The following SSBP2 variants were observed in gnomAD, a reference collection of about 807,000 sequenced individuals.
SSBP2 encodes single-stranded DNA-binding protein 2.
In SSBP2, 17 loss-of-function variants were observed where a neutral mutation model predicts 61.8. That is an observed-to-expected ratio of 0.28 (90% confidence interval 0.19 to 0.41). The LOEUF (loss-of-function observed/expected upper bound fraction) is 0.41, where lower values mean the gene tolerates loss of function less well. Ranked by LOEUF, SSBP2 falls within the 10% of genes least tolerant of loss-of-function variation. SSBP2 has a pLI of 1.00. For synonymous variants in SSBP2, 139 were observed against 141.3 expected (o/e 0.98, Z 0.12); for missense variants, 310 against 458.7 (o/e 0.68, Z 2.96).
At position 81,412,855 on chromosome 5, in the gene SSBP2, A is replaced by G. The variant is rs1004642513; in HGVS notation, c.*7649T>C. On this transcript the variant is annotated 3_prime_UTR_variant, in exon 17 of 17. Coordinates refer to ENST00000320672, the MANE Select transcript of SSBP2 (RefSeq NM_012446.5). ...TCATTAACATATCTATTTGCTAATA[A>G]CATTAGTTTTTTTTTGGCATTCCAT... 2.7e-5 allele frequency among the ~76,000 whole-genome samples: 4 copies of G among 148,952 alleles called. No homozygotes were observed. Among genetic ancestry groups the G allele is most frequent in the African/African-American group, 9.7e-5 (4 of 41,380 alleles).
rs547509999 is a variant in SSBP2 at position 81,646,933 on chromosome 5, C to G, written c.135+3334G>C. Among the ~76,000 whole-genome samples the G allele has an allele frequency of 3.8e-4, 57 of 151,874 alleles. No individual in the cohort carries two copies. The South Asian group carries it at 6.9e-3, about 18-fold the overall frequency. ...CTGAGTAAAGCCCAGATGACAGAAG[C>G]CCCATGGTATACAGGAAAACCCAAG... is the stretch of plus-strand genomic sequence containing the variant. On this transcript the variant is annotated intron_variant, in intron 2 of 16. Transcript: ENST00000320672.
intron 1 of SSBP2, among the ~76,000 whole-genome samples, chr5:81,731,153 C>A (rs1322091053): frequency 1.3e-5 from 2 of 152,236 alleles, no homozygotes; most frequent in Admixed American, 1.3e-4. Context: ...GCCTCAGATT[C>A]TTTGTCCACA....
At chr5:81,503,896 A>G (rs1043977302) in intron 5 of SSBP2, among the ~76,000 whole-genome samples, 2 of 152,202 alleles carry the variant, frequency 1.3e-5, no homozygotes, top group African/African-American at 4.8e-5. Context: ...AGAAAAACAA[A>G]TATCACATAT....
chr5:81,441,794 C>A (rs1422816317), intron 13 of SSBP2, among the ~76,000 whole-genome samples: 2 of 152,082 alleles, frequency 1.3e-5, no homozygotes, highest in African/African-American at 4.8e-5. Context: ...AATATGTATG[C>A]CTCACTGATA....
At chr5:81,616,685 C>T (rs1296144760) in intron 3 of SSBP2, 2 of 144,948 alleles carry the variant, frequency 1.4e-5, no homozygotes, top group African/African-American at 5.1e-5. Context: ...GTAACCTCTG[C>T]AGACTTAAGT....
chr5:81,576,503 T>C (rs965700017), intron 4 of SSBP2, among the ~76,000 whole-genome samples: 5 of 152,072 alleles, frequency 3.3e-5, no homozygotes, highest in African/African-American at 1.2e-4. Flanking sequence ...ATTAACAAGA[T>C]CGCCTAGATA....
intron 4 of SSBP2, among the ~76,000 whole-genome samples, chr5:81,531,584 G>A (rs1561508639): frequency 6.6e-6 from 1 of 152,076 alleles, no homozygotes; most frequent in Non-Finnish European, 1.5e-5. Flanking sequence ...AATGCTTATT[G>A]TGAGGCTTCA....
intron 4 of SSBP2, among the ~76,000 whole-genome samples, chr5:81,519,987 C>A (rs997908991): frequency 6.7e-6 from 1 of 150,116 alleles, no homozygotes; most frequent in African/African-American, 2.5e-5. Context: ...ATTTTCCCCC[C>A]TCTTTTTTTT....
At chr5:81,436,304 A>C (rs1427484134) in intron 15 of SSBP2, among the ~76,000 whole-genome samples, 3 of 152,046 alleles carry the variant, frequency 2.0e-5, no homozygotes, top group Non-Finnish European at 4.4e-5. Context: ...TTTTGTTTTG[A>C]AAACAGGCCT....
chr5:81,503,455 AAAAAC>A (rs920381580), intron 5 of SSBP2, among the ~76,000 whole-genome samples: 3 of 152,272 alleles, frequency 2.0e-5, no homozygotes, highest in East Asian at 1.9e-4. Context: ...CTCCATCTCA[AAAAAC>A]AAAACAAAAC....
chr5:81,478,136 A>T (rs981279767), intron 6 of SSBP2, among the ~76,000 whole-genome samples: 11 of 152,056 alleles, frequency 7.2e-5, no homozygotes, highest in Non-Finnish European at 1.5e-4. Context: ...TTGTGAACTT[A>T]AAGTTCTTAC....
At chr5:81,542,198 A>G (rs966684416) in intron 4 of SSBP2, among the ~76,000 whole-genome samples, 5 of 152,204 alleles carry the variant, frequency 3.3e-5, no homozygotes, top group Admixed American at 6.5e-5. Context: ...AGAAATGCAA[A>G]TCAAGACCAC....
intron 10 of SSBP2, among the ~76,000 whole-genome samples, chr5:81,452,651 A>G (rs1049004887): frequency 2.0e-4 from 31 of 152,198 alleles, no homozygotes; most frequent in African/African-American, 7.5e-4. Context: ...AGTTAAGATA[A>G]TTCCTAGGTT....
intron 1 of SSBP2, among the ~76,000 whole-genome samples, chr5:81,715,805 C>G (rs545395215): frequency 1.3e-5 from 2 of 152,236 alleles, no homozygotes; most frequent in Non-Finnish European, 1.5e-5. Flanking sequence ...ACCTGCAATC[C>G]CAACTCTTAG....
chr5:81,636,042 G>T (rs1222264889), intron 3 of SSBP2, among the ~76,000 whole-genome samples: 1 of 152,132 alleles, frequency 6.6e-6, no homozygotes, highest in South Asian at 2.1e-4. Flanking sequence ...GGGTCTTTGG[G>T]AAATCCTTAG....
At chr5:81,480,040 G>A (rs1048856949) in intron 6 of SSBP2, among the ~76,000 whole-genome samples, 33 of 152,206 alleles carry the variant, frequency 2.2e-4, no homozygotes, top group African/African-American at 7.7e-4. Context: ...CTATTCACAA[G>A]TAGCAGTGTC....
chr5:81,562,981 A>G (rs976189469), intron 4 of SSBP2, among the ~76,000 whole-genome samples: 5 of 152,206 alleles, frequency 3.3e-5, no homozygotes, highest in Admixed American at 3.3e-4. Context: ...CAAACTATCT[A>G]TAGACTCAAC....
intron 1 of SSBP2, among the ~76,000 whole-genome samples, chr5:81,736,697 T>G (rs2154007003): frequency 6.6e-6 from 1 of 152,368 alleles, no homozygotes; most frequent in Admixed American, 6.5e-5. Flanking sequence ...AGAGTACTAG[T>G]AAGCTAATCA....
chr5:81,551,527 G>C (rs1772189084), intron 4 of SSBP2, among the ~76,000 whole-genome samples: 1 of 152,026 alleles, frequency 6.6e-6, no homozygotes, highest in South Asian at 2.1e-4. Context: ...TTCTCAATGG[G>C]AAGGCTTGAA....
Sources: gnomAD v4.1 joint callset for allele counts (sites outside exome capture counted in the v4.1 genomes callset) on GRCh38, gnomAD v4.1.1 for gene constraint, MANE v1.5 for transcripts, NCBI Gene and HGNC (gene_info 2026-07-23, HGNC 2026-07-21) for gene names.